The following GZMM variants were observed in gnomAD, a reference collection of about 807,000 sequenced individuals.
The protein encoded by GZMM is granzyme M, also known as HU-Met-1.
Under a neutral mutation model 19.2 loss-of-function variants are expected in GZMM, and 23 were observed. The ratio of observed to expected loss-of-function variants is 1.20; its 90% confidence interval spans 0.86 to 1.69. The LOEUF (loss-of-function observed/expected upper bound fraction) is 1.69. Among genes scored for constraint, GZMM ranks in the 40% most tolerant of loss-of-function variants. GZMM has a pLI of 0.00. For synonymous variants in GZMM, 178 were observed against 160.2 expected (o/e 1.11, Z -0.84); for missense variants, 373 against 352.2 (o/e 1.06, Z -0.47).
At position 548,912 on chromosome 19, in the gene GZMM, T is replaced by C. The variant is rs1328039830; in HGVS notation, c.349-10T>C. 6.6e-7 allele frequency: 1 copy of C among 1,520,290 alleles called. No individual in the cohort carries two copies. Among genetic ancestry groups the C allele is most frequent in the African/African-American group, 1.4e-5 (1 of 71,264 alleles). The allele number at this position is 1,520,290 out of a possible 1,614,324, so 94.2% of individuals were successfully genotyped here. Reference sequence around the variant, plus strand: ...CCCCCTGCTCACCTGCCCCTTCCTGTCACTCGTAGCTGGACGGGAAAGTGA... The same window carrying C: ...CCCCCTGCTCACCTGCCCCTTCCTGCCACTCGTAGCTGGACGGGAAAGTGA... On this transcript the variant is annotated splice_polypyrimidine_tract_variant and intron_variant, in intron 3 of 4. Coordinates refer to ENST00000264553, the MANE Select transcript of GZMM (RefSeq NM_005317.4).
At chr19:548,757 C>T (rs1248475018) in intron 3 of GZMM, 80 bp downstream of exon 3, 256 of 1,180,076 alleles carry the variant, frequency 2.2e-4, no homozygotes, top group Non-Finnish European at 2.5e-4. Flanking sequence ...CGCCCTCCCC[C>T]CGCTGCCGAC....
chr19:545,933 G>A (rs186707392), intron 1 of GZMM, among the ~76,000 whole-genome samples: 150 of 152,114 alleles, frequency 9.9e-4, no homozygotes, highest in African/African-American at 3.2e-3. Context: ...GTGAGCCACC[G>A]CACCCGGCCT....
At chr19:544,794 CCACCCA>C (rs1367714196) in intron 1 of GZMM, among the ~76,000 whole-genome samples, 65 of 144,568 alleles carry the variant, frequency 4.5e-4, no homozygotes, top group African/African-American at 1.6e-3. Flanking sequence ...TTCCATTCTT[CCACCCA>C]CCCATCCATC....
Position 548,596 on chromosome 19 carries a change from C to T in GZMM, c.267C>T (p.Leu89=). The T allele has an allele frequency of 1.2e-6, 2 of 1,613,562 alleles. No individual in the cohort carries two copies. The highest frequency in any genetic ancestry group is 8.5e-7 in the Non-Finnish European group (1 of 1,179,698). The change falls in exon 3 of 5, where the codon CTC becomes CTT. Residue 89 remains leucine, a synonymous_variant. Coordinates refer to ENST00000264553, the MANE Select transcript of GZMM (RefSeq NM_005317.4). Reference sequence around the variant, plus strand: ...TCCACACCCTGGACAGCCCCGGTCTCACCTTCCACATCAAGGCAGCCATCC... The same window carrying T: ...TCCACACCCTGGACAGCCCCGGTCTTACCTTCCACATCAAGGCAGCCATCC... ...LGLHTLDSPG[L]TFHIKAAIQH...
chr19:547,401 G>C lies in GZMM; in HGVS notation c.177G>C (p.Lys59Asn), dbSNP rs761539542. Residue 59 changes from lysine to asparagine, a missense_variant, in exon 2 of 5, where the codon AAG becomes AAC. Physicochemically the swap from Lys to Asn is moderately conservative, Grantham distance 94. Coordinates refer to ENST00000264553, the MANE Select transcript of GZMM (RefSeq NM_005317.4). ...HLCGGVLVHP[K>N]WVLTAAHCLA... ...GCGGGGGTGTCCTGGTGCACCCAAA[G>C]TGGGTGCTGACGGCTGCCCACTGCC... is the stretch of plus-strand genomic sequence containing the variant. 6.6e-7 allele frequency: 1 copy of C among 1,515,592 alleles called. No homozygotes were observed. The highest frequency in any genetic ancestry group is 8.8e-7 in the Non-Finnish European group (1 of 1,131,106). The allele number at this position is 1,515,592 out of a possible 1,614,324, so 93.9% of individuals were successfully genotyped here. A position where few individuals can be genotyped will look rare whatever the true frequency, so the allele number is the denominator to read the frequency against.
At position 547,405 on chromosome 19, in the gene GZMM, GTGCTGACGGC is replaced by G. The variant is rs780087868; in HGVS notation, c.185_194del (p.Leu62ProfsTer11). The G allele has an allele frequency of 6.7e-6, 10 of 1,502,480 alleles. No individual in the cohort carries two copies. The South Asian group carries it at 1.3e-4, about 19-fold the overall frequency. The allele number at this position is 1,502,480 out of a possible 1,614,324, so 93.1% of individuals were successfully genotyped here. A position where few individuals can be genotyped will look rare whatever the true frequency, so the allele number is the denominator to read the frequency against. On this transcript the variant is annotated frameshift_variant, in exon 2 of 5. Coordinates refer to ENST00000264553, the MANE Select transcript of GZMM (RefSeq NM_005317.4). LOFTEE classifies it high-confidence loss of function. Reference sequence around the variant, plus strand: ...GGGTGTCCTGGTGCACCCAAAGTGGGTGCTGACGGCTGCCCACTGCCTGGCCCAGCGGTGA... The same window carrying G: ...GGGTGTCCTGGTGCACCCAAAGTGGGTGCCCACTGCCTGGCCCAGCGGTGA...
At chr19:549,280 TG>T in intron 4 of GZMM, 95 bp downstream of exon 4, 2 of 1,202,720 alleles carry the variant, frequency 1.7e-6, no homozygotes, top group Non-Finnish European at 1.1e-6. Flanking sequence ...TCCCGTTCTC[TG>T]GGGAGTCCTG....
chr19:548,014 G>A (rs1241738235), intron 2 of GZMM, among the ~76,000 whole-genome samples: 1 of 152,198 alleles, frequency 6.6e-6, no homozygotes, highest in Admixed American at 6.5e-5. Context: ...AGGAGGCCTG[G>A]CTTCAGGTGC....
intron 1 of GZMM, among the ~76,000 whole-genome samples, chr19:545,424 T>C (rs1980238851): frequency 6.6e-6 from 1 of 151,932 alleles, no homozygotes; most frequent in East Asian, 1.9e-4. Flanking sequence ...CTCGGCTCAC[T>C]GCAGCCTCCG....
intron 3 of GZMM, 45 bp downstream of exon 3, chr19:548,722 C>T: frequency 6.3e-7 from 1 of 1,585,058 alleles, no homozygotes; most frequent in Non-Finnish European, 8.6e-7. Flanking sequence ...CTCCTGTCCC[C>T]CACGGGTGCC....
Position 547,264 on chromosome 19 carries a change from TC to T in GZMM, c.56-11del. On this transcript the variant is annotated splice_polypyrimidine_tract_variant and intron_variant, in intron 1 of 4. Coordinates refer to ENST00000264553, the MANE Select transcript of GZMM (RefSeq NM_005317.4). ...CATGTAGCCCCAACCTGGCTCTTTG[TC>T]CCCCATCCTGGCAGGCAGCTCCTTT... 1 of 1,492,634 alleles carries T rather than the reference TC, an allele frequency of 6.7e-7. No individual in the cohort carries two copies. 92.5% of individuals were successfully genotyped at this position (1,492,634 alleles called of 1,614,324 possible).
Position 549,863 on chromosome 19 carries a change from GTGAGGAC to G in GZMM, c.*73_*79del. The G allele has an allele frequency of 2.2e-5, 12 of 553,214 alleles. No individual in the cohort carries two copies. The highest frequency in any genetic ancestry group is 5.2e-5 in the East Asian group (1 of 19,316). The allele number at this position is 553,214 out of a possible 1,614,324, so 34.3% of individuals were successfully genotyped here. On this transcript the variant is annotated 3_prime_UTR_variant, in exon 5 of 5. Coordinates refer to ENST00000264553, the MANE Select transcript of GZMM (RefSeq NM_005317.4). ...CCCCTCCAGGGGTGCAGTGGGGTGG[GTGAGGAC>G]GGGTGGGAGGGACAGGGAGGGACCA...
Position 549,134 on chromosome 19 carries a change from C to T in GZMM, c.561C>T (p.Ser187=), listed in dbSNP as rs1445319064. Residue 187 remains serine (S), a synonymous_variant, in exon 4 of 5, where the codon TCC becomes TCT. Coordinates refer to ENST00000264553, the MANE Select transcript of GZMM (RefSeq NM_005317.4). ...GCCGCTTCTGGAACGGCAGCCTCTC[C>T]CCCAGCATGGTCTGCCTGGCGGCCG... ...NNSRFWNGSL[S]PSMVCLAADS... is the part of the protein sequence containing the mutation. 3 of 1,579,788 alleles carry T rather than the reference C, an allele frequency of 1.9e-6. No individual in the cohort carries two copies. The highest frequency in any genetic ancestry group is 2.3e-5 in the East Asian group (1 of 43,390).
At chr19:547,221 C>A in intron 1 of GZMM, 59 bp from the exon 2 acceptor site, 3 of 1,410,790 alleles carry the variant, frequency 2.1e-6, no homozygotes, top group South Asian at 3.2e-5. Flanking sequence ...CAAGGACAGT[C>A]GCAGCAGGCA....
intron 1 of GZMM, among the ~76,000 whole-genome samples, chr19:545,999 C>T (rs1442459605): frequency 6.6e-6 from 1 of 151,702 alleles, no homozygotes; most frequent in Non-Finnish European, 1.5e-5. Context: ...AGGCTGATCT[C>T]CAACTCCTGA....
In GZMM at chr19:549,839, C is replaced by T. The variant is rs1242239062; in HGVS notation, c.*48C>T. On this transcript the variant is annotated 3_prime_UTR_variant, in exon 5 of 5. Coordinates refer to ENST00000264553, the MANE Select transcript of GZMM (RefSeq NM_005317.4). ...CCTCGCTGTCTCCACAGGACCCTTC[C>T]CCTCCAGGGGTGCAGTGGGGTGGGT... 3.4e-6 allele frequency: 5 copies of T among 1,479,246 alleles called. No homozygotes were observed. Among genetic ancestry groups the T allele is most frequent in the South Asian group, 1.1e-5 (1 of 87,502 alleles). The allele number at this position is 1,479,246 out of a possible 1,614,324, so 91.6% of individuals were successfully genotyped here.
In GZMM at chr19:549,149, C is replaced by T. The variant is rs377563439; in HGVS notation, c.576C>T (p.Cys192=). Residue 192 remains cysteine, a synonymous_variant, in exon 4 of 5, where the codon TGC becomes TGT. Transcript: ENST00000264553. ...WNGSLSPSMV[C]LAADSKDQAP... ...GCAGCCTCTCCCCCAGCATGGTCTG[C>T]CTGGCGGCCGACTCCAAGGACCAGG... 5.6e-5 allele frequency: 89 copies of T among 1,578,404 alleles called. No individual in the cohort carries two copies. The African/African-American group carries it at 1.0e-3, about 18-fold the overall frequency.
Position 549,066 on chromosome 19 carries a change from G to A in GZMM, c.493G>A (p.Glu165Lys). 6.3e-7 allele frequency: 1 copy of A among 1,591,922 alleles called. No individual in the cohort carries two copies. Among genetic ancestry groups the A allele is most frequent in the Non-Finnish European group, 8.5e-7 (1 of 1,170,764 alleles). The change falls in exon 4 of 5, where the codon GAG (glutamate) becomes AAG (lysine). Residue 165 changes from glutamate to lysine, a missense_variant. Coordinates refer to ENST00000264553, the MANE Select transcript of GZMM (RefSeq NM_005317.4). ...CGGGCGCCTGTCCCGGGTGCTGCGG[G>A]AGCTGGACCTCCAAGTGCTGGACAC... is the stretch of plus-strand genomic sequence containing the variant. ...QGGRLSRVLR[E>K]LDLQVLDTRM...
chr19:546,434 G>T (rs940718925), intron 1 of GZMM, among the ~76,000 whole-genome samples: 1 of 151,564 alleles, frequency 6.6e-6, no homozygotes, highest in South Asian at 2.1e-4. Flanking sequence ...CCAGCTACTC[G>T]GGAGGCTGAG....
Sources: allele counts gnomAD v4.1 joint callset (sites outside exome capture counted in the v4.1 genomes callset), GRCh38; gene constraint gnomAD v4.1.1; transcripts MANE v1.5; gene names NCBI Gene and HGNC (gene_info 2026-07-23, HGNC 2026-07-21).